SCHIP1: variants seen among roughly 807,000 people sequenced by gnomAD.
The protein encoded by SCHIP1 is schwannomin-interacting protein 1.
SCHIP1 carries 8 observed loss-of-function variants against 29.7 expected under a neutral mutation model. The ratio of observed to expected loss-of-function variants is 0.27; its 90% CI spans 0.16 to 0.49. The LOEUF is 0.49. Among genes scored for constraint, SCHIP1 ranks in the 20% least tolerant of loss-of-function variants. SCHIP1 has a pLI of 0.99. For synonymous variants in SCHIP1, 76 were observed against 94.9 expected (o/e 0.80, Z 1.16); for missense variants, 193 against 294.6 (o/e 0.66, Z 2.52).
At chr3:159,360,562 G>A in the SCHIP1 span, among the ~76,000 whole-genome samples, 3 of 152,204 alleles carry the variant, frequency 2.0e-5, no homozygotes, top group African/African-American at 2.4e-5. Context: ...TTTAGGTTTC[G>A]AGCTATGAAA....
chr3:159,475,318 G>A, the SCHIP1 span, among the ~76,000 whole-genome samples: 1 of 152,124 alleles, frequency 6.6e-6, no homozygotes, highest in Non-Finnish European at 1.5e-5. Context: ...AAAGAAGCTG[G>A]ACATAGAAGA....
intron 2 of SCHIP1, among the ~76,000 whole-genome samples, chr3:159,884,254 G>A (rs966762736): frequency 2.6e-5 from 4 of 151,638 alleles, no homozygotes; most frequent in Admixed American, 2.6e-4. Flanking sequence ...TTTTTAGACC[G>A]ACAGACATTA....
the SCHIP1 span, among the ~76,000 whole-genome samples, chr3:159,324,196 C>A: frequency 2.0e-5 from 3 of 151,928 alleles, no homozygotes; most frequent in African/African-American, 7.3e-5. Flanking sequence ...TTTCTCAATA[C>A]CTATGTGAAT....
the SCHIP1 span, among the ~76,000 whole-genome samples, chr3:159,492,494 G>T: frequency 6.6e-6 from 1 of 152,082 alleles, no homozygotes. Flanking sequence ...TGGAAGAAAG[G>T]GTATCAGCGA....
the SCHIP1 span, among the ~76,000 whole-genome samples, chr3:159,458,564 CTT>C: frequency 3.5e-5 from 5 of 143,864 alleles, no homozygotes; most frequent in African/African-American, 5.1e-5. Flanking sequence ...ACTGACTTTT[CTT>C]TTTTTTTTTT....
At chr3:159,843,001 CTTTTTTTTTTTTTT>C (rs566940351) in intron 1 of SCHIP1, among the ~76,000 whole-genome samples, 17 of 63,734 alleles carry the variant, frequency 2.7e-4, no homozygotes, top group Admixed American at 4.7e-4. Context: ...ATATTTCTTT[CTTTTTTTTTTTTTT>C]TTTTTTTTTT....
chr3:159,406,193 C>A, the SCHIP1 span, among the ~76,000 whole-genome samples: 5 of 151,758 alleles, frequency 3.3e-5, no homozygotes, highest in Non-Finnish European at 1.5e-5. Flanking sequence ...TCCCAAAGGT[C>A]AAGTTTAAGG....
the SCHIP1 span, among the ~76,000 whole-genome samples, chr3:159,505,147 T>A: frequency 1.5e-4 from 23 of 152,276 alleles, no homozygotes; most frequent in Admixed American, 4.6e-4. Context: ...TGGGAGGGCA[T>A]GATAAACCAA....
the SCHIP1 span, among the ~76,000 whole-genome samples, chr3:159,278,537 C>A: frequency 1.3e-5 from 2 of 152,308 alleles, no homozygotes; most frequent in East Asian, 3.9e-4. Flanking sequence ...ACTGTCAAAT[C>A]TCTAATGAGC....
chr3:159,465,663 TTA>T, the SCHIP1 span, among the ~76,000 whole-genome samples: 1 of 152,150 alleles, frequency 6.6e-6, no homozygotes, highest in Non-Finnish European at 1.5e-5. Flanking sequence ...AACATTGATT[TTA>T]TGTTATAGCT....
chr3:159,375,111 C>G, the SCHIP1 span, among the ~76,000 whole-genome samples: 1 of 152,278 alleles, frequency 6.6e-6, no homozygotes, highest in East Asian at 1.9e-4. Flanking sequence ...AAATTACACC[C>G]ATGGCTACCA....
chr3:159,743,486 T>A, the SCHIP1 span, among the ~76,000 whole-genome samples: 1 of 152,234 alleles, frequency 6.6e-6, no homozygotes, highest in African/African-American at 2.4e-5. Context: ...AAATGTTACA[T>A]ACTGTATGAT....
intron 1 of SCHIP1, among the ~76,000 whole-genome samples, chr3:159,859,996 C>T (rs112245840): frequency 0.012 from 1,187 of 99,486 alleles, 19 homozygotes; most frequent in African/African-American, 0.041. Flanking sequence ...TGTGTGTGTG[C>T]GTGTGTGTGT....
chr3:159,776,986 G>A, the SCHIP1 span, among the ~76,000 whole-genome samples: 2 of 152,166 alleles, frequency 1.3e-5, no homozygotes, highest in Non-Finnish European at 2.9e-5. Context: ...TAAAGGGGCA[G>A]CTGCTGTCAC....
chr3:159,337,365 G>T, the SCHIP1 span, among the ~76,000 whole-genome samples: 288 of 152,174 alleles, frequency 1.9e-3, 1 homozygote, highest in African/African-American at 6.5e-3. Flanking sequence ...GGCAGGAGAA[G>T]GAAATAAAGC....
chr3:159,690,773 C>G, the SCHIP1 span, among the ~76,000 whole-genome samples: 1 of 152,202 alleles, frequency 6.6e-6, no homozygotes, highest in Non-Finnish European at 1.5e-5. Flanking sequence ...TTAGATGTCT[C>G]CCAGAGATTC....
At chr3:159,651,940 C>G in the SCHIP1 span, among the ~76,000 whole-genome samples, 1 of 151,942 alleles carries the variant, frequency 6.6e-6, no homozygotes, top group Non-Finnish European at 1.5e-5. Flanking sequence ...ATTAAAAATA[C>G]CAAAAATTAG....
chr3:159,493,985 C>T, the SCHIP1 span, among the ~76,000 whole-genome samples: 5 of 152,034 alleles, frequency 3.3e-5, no homozygotes, highest in Non-Finnish European at 5.9e-5. Context: ...AACTGAACAA[C>T]CTGCTCCTGA....
the SCHIP1 span, among the ~76,000 whole-genome samples, chr3:159,379,069 T>G: frequency 6.6e-6 from 1 of 152,208 alleles, no homozygotes; most frequent in Non-Finnish European, 1.5e-5. Context: ...TTGTCTCTGA[T>G]AGCAGGGACA....
Sources: allele counts gnomAD v4.1 joint callset (sites outside exome capture counted in the v4.1 genomes callset), GRCh38; gene constraint gnomAD v4.1.1; transcripts MANE v1.5; gene names NCBI Gene and HGNC (gene_info 2026-07-23, HGNC 2026-07-21).